Variants in EFS observed in about 807,000 individuals in gnomAD.
EFS encodes the protein embryonal Fyn-associated substrate, also known as Cas scaffolding protein family member 3.
A neutral mutation model predicts 42.2 loss-of-function variants in EFS; 34 were observed. That is an observed-to-expected ratio of 0.81 (90% CI 0.61 to 1.07). The LOEUF (loss-of-function observed/expected upper bound fraction) is 1.07, where lower values mean the gene tolerates loss of function less well. Among genes scored for constraint, EFS ranks in the 50% least tolerant of loss-of-function variants. The pLI is 0.00. For missense variants in EFS, 717 were observed against 729.4 expected, an observed-to-expected ratio of 0.98 and a Z score of 0.20; for synonymous variants, 299 against 320.7, an observed-to-expected ratio of 0.93 and a Z score of 0.72.
At chr14:23,364,321 T>A (rs1166978526) in intron 1 of EFS, among the ~76,000 whole-genome samples, 1 of 152,076 alleles carries the variant, frequency 6.6e-6, no homozygotes. Flanking sequence ...TCCTGCTCTA[T>A]CCCCCAGCAG....
intron 2 of EFS, 87 bp from the exon 3 acceptor site, chr14:23,360,368 C>CT: frequency 6.6e-7 from 1 of 1,524,540 alleles, no homozygotes; most frequent in African/African-American, 1.4e-5. Context: ...TAGAGACCTT[C>CT]TAACTCTCCC....
At chr14:23,359,214 A>G in intron 4 of EFS, 103 bp downstream of exon 4, 1 of 1,548,154 alleles carries the variant, frequency 6.5e-7, no homozygotes. Context: ...GAAGGGGGAC[A>G]GAAGGGAGGC....
At position 23,357,137 on chromosome 14, in the gene EFS, C is replaced by T; in HGVS notation, c.*89G>A. On this transcript the variant is annotated 3_prime_UTR_variant, in exon 6 of 6. Transcript: ENST00000216733. The stretch of plus-strand genomic sequence containing the variant: ...AAGGGGAAAGATACCCCCATTTCTC[C>T]TAGTCCCTTAACAAAGCCTTCCAGC... 7.7e-7 allele frequency: 1 copy of T among 1,293,060 alleles called. No individual in the cohort carries two copies. The highest frequency in any genetic ancestry group is 1.0e-6 in the Non-Finnish European group (1 of 955,984). 80.1% of individuals were successfully genotyped at this position (1,293,060 alleles called of 1,614,324 possible).
Position 23,359,929 on chromosome 14 carries a change from C to A in EFS, c.549G>T (p.Glu183Asp). 1 of 1,551,748 alleles carries A rather than the reference C, an allele frequency of 6.4e-7. No individual in the cohort carries two copies. Reference protein sequence around the residue: ...LTRVAPQPPGEDDAPYDVPLT... With the variant: ...LTRVAPQPPGDDDAPYDVPLT... ...GAGGCACATCATAGGGAGCATCATC[C>A]TCTCCAGGGGGCTGCGGGGCAACCC... is the stretch of plus-strand genomic sequence containing the variant. Residue 183 changes from glutamate to aspartate, a missense_variant, in exon 4 of 6, where the codon GAG becomes GAT. Coordinates refer to ENST00000216733, the MANE Select transcript of EFS (RefSeq NM_005864.4).
At chr14:23,363,583 AG>A (rs1890224026) in intron 1 of EFS, among the ~76,000 whole-genome samples, 1 of 152,112 alleles carries the variant, frequency 6.6e-6, no homozygotes, top group South Asian at 2.1e-4. Flanking sequence ...CTATCTCCAG[AG>A]GGCCTCCTTC....
chr14:23,358,601 C>T (rs1890004664), intron 5 of EFS, among the ~76,000 whole-genome samples: 1 of 152,110 alleles, frequency 6.6e-6, no homozygotes, highest in Admixed American at 6.5e-5. Context: ...AGCTCTGACC[C>T]CACAACTCAG....
At chr14:23,359,040 T>C in intron 4 of EFS, 75 bp from the exon 5 acceptor site, 1 of 1,359,208 alleles carries the variant, frequency 7.4e-7, no homozygotes, top group South Asian at 1.4e-5. Flanking sequence ...TTTCTGCCCC[T>C]TCCCCGGACC....
rs775610209 is a variant in EFS at position 23,359,897 on chromosome 14, GGGGTCAGA to G, written c.573_580del (p.Leu192LysfsTer40). The G allele has an allele frequency of 6.5e-7, 1 of 1,534,158 alleles. No homozygotes were observed. Among genetic ancestry groups the G allele is most frequent in the Non-Finnish European group, 8.8e-7 (1 of 1,142,486 alleles). On this transcript the variant is annotated frameshift_variant, in exon 4 of 6. Transcript: ENST00000216733. LOFTEE classifies it high-confidence loss of function. ...TGGTTCCAGCTCTGCAGGTGGCTTT[GGGGTCAGA>G]GGCACATCATAGGGAGCATCATCCT...
At position 23,359,993 on chromosome 14, in the gene EFS, G is replaced by C. The variant is rs1433523317; in HGVS notation, c.485C>G (p.Pro162Arg). 2.5e-6 allele frequency: 4 copies of C among 1,597,678 alleles called. No individual in the cohort carries two copies. Among genetic ancestry groups the C allele is most frequent in the Non-Finnish European group, 3.4e-6 (4 of 1,172,958 alleles). The change falls in exon 4 of 6, where the codon CCC (proline) becomes CGC (arginine). Residue 162 changes from proline (P) to arginine (R), a missense_variant. Coordinates refer to ENST00000216733, the MANE Select transcript of EFS (RefSeq NM_005864.4). ...PTALRVPSSG[P>R]YDCPASFSHP... ...GGAAAAGGAGGCAGGGCAGTCATAG[G>C]GGCCACTGGAGGGCACCCGGAGGGC... is the stretch of plus-strand genomic sequence containing the variant.
At chr14:23,363,626 T>C (rs1016273793) in intron 1 of EFS, among the ~76,000 whole-genome samples, 22 of 152,154 alleles carry the variant, frequency 1.4e-4, no homozygotes, top group African/African-American at 4.8e-4. Context: ...CTGGCCATCG[T>C]TACAGATTGA....
intron 4 of EFS, 45 bp downstream of exon 4, chr14:23,359,272 G>T: frequency 6.2e-7 from 1 of 1,610,884 alleles, no homozygotes; most frequent in Non-Finnish European, 8.5e-7. Context: ...CCTCCCCTTG[G>T]TCCCTCTGGG....
intron 1 of EFS, among the ~76,000 whole-genome samples, chr14:23,363,829 G>C (rs1306620812): frequency 6.6e-6 from 1 of 152,030 alleles, no homozygotes; most frequent in Non-Finnish European, 1.5e-5. Flanking sequence ...AGCTACTCAA[G>C]AGGCTGAGGT....
chr14:23,358,081 A>G (rs1439525760), intron 5 of EFS, among the ~76,000 whole-genome samples: 1 of 152,226 alleles, frequency 6.6e-6, no homozygotes, highest in East Asian at 1.9e-4. Context: ...AATCAACATG[A>G]AAATTATTGA....
chr14:23,360,300 G>T lies in EFS; in HGVS notation c.298-19C>A. On this transcript the variant is annotated intron_variant, in intron 2 of 5. Transcript: ENST00000216733. The stretch of plus-strand genomic sequence containing the variant: ...CATACACCTGAGGGATCAAATAGAT[G>T]GGGGGTCAGGAGGAACGGAGGGGCC... 1 of 1,599,010 alleles carries T rather than the reference G, an allele frequency of 6.3e-7. No homozygotes were observed. Among genetic ancestry groups the T allele is most frequent in the Non-Finnish European group, 8.5e-7 (1 of 1,172,714 alleles).
At position 23,360,577 on chromosome 14, in the gene EFS, T is replaced by A; in HGVS notation, c.275A>T (p.Asp92Val). 6.4e-7 allele frequency: 1 copy of A among 1,561,486 alleles called. No homozygotes were observed. Among genetic ancestry groups the A allele is most frequent in the Non-Finnish European group, 8.7e-7 (1 of 1,152,598 alleles). ...CACCTCCTGGTCCTCATTGCTGTGA[T>A]CTGGGGCTGGATATGGTGAGCCAGG... is the stretch of plus-strand genomic sequence containing the variant. Reference protein sequence around the residue: ...AQPGSPYPAPDHSNEDQEVYV... With the variant: ...AQPGSPYPAPVHSNEDQEVYV... The change falls in exon 2 of 6, where the codon GAT becomes GTT. Residue 92 changes from aspartate to valine, a missense_variant. Asp to Val is a radical substitution (Grantham distance 152, BLOSUM62 -3). Coordinates refer to ENST00000216733, the MANE Select transcript of EFS (RefSeq NM_005864.4).
In EFS at chr14:23,360,786, C is replaced by CTGG; in HGVS notation, c.63_65dup (p.Pro21_Gln22insHis). 2 of 1,613,852 alleles carry CTGG rather than the reference C, an allele frequency of 1.2e-6. No individual in the cohort carries two copies. The highest frequency in any genetic ancestry group is 1.7e-6 in the Non-Finnish European group (2 of 1,179,898). ...CATCCCCTCGGCGGAAGGACAGCTCCTGGGGGGACTCAGCGGTGTTGTCAT... is the reference window on the plus strand; with the variant it reads ...CATCCCCTCGGCGGAAGGACAGCTCCTGGTGGGGGGACTCAGCGGTGTTGTCAT... On this transcript the variant is annotated inframe_insertion, in exon 2 of 6. Transcript: ENST00000216733.
At position 23,357,131 on chromosome 14, in the gene EFS, T is replaced by A; in HGVS notation, c.*95A>T. On this transcript the variant is annotated 3_prime_UTR_variant, in exon 6 of 6. Coordinates refer to ENST00000216733, the MANE Select transcript of EFS (RefSeq NM_005864.4). ...GCAGGAAAGGGGAAAGATACCCCCA[T>A]TTCTCCTAGTCCCTTAACAAAGCCT... 1 of 1,218,492 alleles carries A rather than the reference T, an allele frequency of 8.2e-7. No individual in the cohort carries two copies. Among genetic ancestry groups the A allele is most frequent in the Non-Finnish European group, 1.1e-6 (1 of 900,728 alleles). The allele number at this position is 1,218,492 out of a possible 1,614,324, so 75.5% of individuals were successfully genotyped here. A position where few individuals can be genotyped will look rare whatever the true frequency, so the allele number is the denominator to read the frequency against.
Position 23,360,604 on chromosome 14 carries a change from T to C in EFS, c.248A>G (p.Gln83Arg). 6.3e-7 allele frequency: 1 copy of C among 1,585,822 alleles called. No homozygotes were observed. Among genetic ancestry groups the C allele is most frequent in the East Asian group, 2.2e-5 (1 of 44,542 alleles). Residue 83 changes from glutamine to arginine, a missense_variant, in exon 2 of 6, where the codon CAG becomes CGG. By Grantham distance (43) the Gln-to-Arg change is conservative. Coordinates refer to ENST00000216733, the MANE Select transcript of EFS (RefSeq NM_005864.4). ...TGGGGCTGGATATGGTGAGCCAGGC[T>C]GGGCTGGGGACGCAGGAGAGAGGCT... ...KPSLSPASPA[Q>R]PGSPYPAPDH...
rs1349722439 is a variant in EFS, at chr14:23,359,505, C to T, written c.973G>A (p.Ala325Thr). Reference sequence around the variant, plus strand: ...TGGATGCTGCCCTTCCGGCCTGGGGCAGGAGAGGGCACTGGGGAGGGGCTG... The same window carrying T: ...TGGATGCTGCCCTTCCGGCCTGGGGTAGGAGAGGGCACTGGGGAGGGGCTG... ...APSPSPVPSP[A>T]PGRKGSIQDR... Residue 325 changes from alanine (A) to threonine (T), a missense_variant, in exon 4 of 6, where the codon GCC becomes ACC. Transcript: ENST00000216733. 1 of 1,549,666 alleles carries T rather than the reference C, an allele frequency of 6.5e-7. No homozygotes were observed. Among genetic ancestry groups the T allele is most frequent in the Non-Finnish European group, 8.7e-7 (1 of 1,153,426 alleles).
Sources: gnomAD v4.1 joint callset for allele counts (sites outside exome capture counted in the v4.1 genomes callset) on GRCh38, gnomAD v4.1.1 for gene constraint, MANE v1.5 for transcripts, NCBI Gene and HGNC (gene_info 2026-07-23, HGNC 2026-07-21) for gene names.